Variants in LRRC7 observed in about 807,000 individuals in gnomAD.
The protein encoded by LRRC7 is leucine-rich repeat-containing protein 7.
A neutral mutation model predicts 175.7 loss-of-function variants in LRRC7; 23 were observed. The ratio of observed to expected loss-of-function variants is 0.13; its 90% CI spans 0.09 to 0.19. LRRC7 has a LOEUF of 0.19. LRRC7 is among the 10% of genes least tolerant of loss of function. The pLI, the probability that LRRC7 is intolerant of heterozygous loss-of-function variation, is 1.00. For synonymous variants in LRRC7, 685 were observed against 680.9 expected (o/e 1.01, Z -0.09); for missense variants, 1,354 against 1,904.7 (o/e 0.71, Z 5.38).
intron 13 of LRRC7, 70 bp downstream of exon 13, chr1:70,013,159 T>C (rs1302905461): frequency 5.8e-6 from 5 of 856,158 alleles, no homozygotes; most frequent in Non-Finnish European, 7.2e-6. Context: ...TTTTTGCCTA[T>C]AGTTTTGATA....
chr1:70,117,030 G>T (rs927361896), intron 26 of LRRC7, among the ~76,000 whole-genome samples: 1 of 152,170 alleles, frequency 6.6e-6, no homozygotes. Context: ...CAAAGTGCAA[G>T]ATATCAATGT....
At chr1:70,021,288 T>A (rs1021617638) in intron 16 of LRRC7, 159 bp downstream of exon 16, 4 of 626,998 alleles carry the variant, frequency 6.4e-6, no homozygotes, top group Non-Finnish European at 1.1e-5. Flanking sequence ...AGCATTGGTG[T>A]GCTTCAGAAT....
intron 4 of LRRC7, among the ~76,000 whole-genome samples, chr1:69,825,216 A>C (rs183644519): frequency 6.6e-6 from 1 of 152,298 alleles, no homozygotes; most frequent in East Asian, 1.9e-4. Context: ...TACAGCCAAC[A>C]AAAAAGAATT....
intron 25 of LRRC7, among the ~76,000 whole-genome samples, chr1:70,107,445 G>T (rs1665220886): frequency 2.0e-5 from 3 of 152,202 alleles, no homozygotes; most frequent in South Asian, 2.1e-4. Context: ...TACAAAAAAT[G>T]ATTCAGCATC....
chr1:69,964,008 C>T (rs528291566), intron 8 of LRRC7, among the ~76,000 whole-genome samples: 14 of 152,182 alleles, frequency 9.2e-5, no homozygotes, highest in Non-Finnish European at 1.5e-4. Flanking sequence ...ATTCTAAGGC[C>T]TCCTGCTTAG....
rs189554274 is a variant in LRRC7 at position 69,682,529 on chromosome 1, G to T, written c.100+4051G>T. On this transcript the variant is annotated intron_variant, in intron 2 of 26. Coordinates refer to ENST00000651989, the MANE Select transcript of LRRC7 (RefSeq NM_001370785.2). The stretch of plus-strand genomic sequence containing the variant: ...TGACCATGTTGTCCTTTTGAAAACT[G>T]CAATGCTGTTAATATTACTATCCCT... Among the ~76,000 whole-genome samples, 50 of 152,196 alleles carry T rather than the reference G, an allele frequency of 3.3e-4. 1 individual carries two copies. In the East Asian group the frequency reaches 9.6e-3, roughly 29 times the overall value.
At chr1:69,800,727 A>C (rs1676376781) in intron 4 of LRRC7, among the ~76,000 whole-genome samples, 2 of 151,594 alleles carry the variant, frequency 1.3e-5, no homozygotes, top group African/African-American at 4.8e-5. Context: ...AATGCTTTTT[A>C]TTTCTTTCTC....
intron 3 of LRRC7, among the ~76,000 whole-genome samples, chr1:69,784,959 C>T (rs1460577590): frequency 6.6e-6 from 1 of 152,014 alleles, no homozygotes; most frequent in African/African-American, 2.4e-5. Context: ...TTTGTTGAGA[C>T]TTCCTTTATG....
chr1:69,815,825 A>G (rs1678520046), intron 4 of LRRC7, among the ~76,000 whole-genome samples: 1 of 152,178 alleles, frequency 6.6e-6, no homozygotes, highest in South Asian at 2.1e-4. Flanking sequence ...CCTGTTCCTC[A>G]TAGACAGTAC....
intron 3 of LRRC7, among the ~76,000 whole-genome samples, chr1:69,784,435 C>T (rs1222958894): frequency 3.3e-5 from 5 of 152,042 alleles, no homozygotes; most frequent in East Asian, 1.9e-4. Flanking sequence ...CACAATAAGA[C>T]ATTTTAAAAG....
intron 3 of LRRC7, among the ~76,000 whole-genome samples, chr1:69,782,047 CT>C (rs1240980020): frequency 1.3e-5 from 2 of 152,028 alleles, no homozygotes; most frequent in Non-Finnish European, 2.9e-5. Context: ...GCAATATGAC[CT>C]TGTAAAAGTT....
Position 69,980,537 on chromosome 1 carries a change from C to T in LRRC7, c.786+84C>T, listed in dbSNP as rs377699321. 39 of 1,104,264 alleles carry T rather than the reference C, an allele frequency of 3.5e-5. 1 individual carries two copies. The African/African-American group carries it at 5.9e-4, about 17-fold the overall frequency. The allele number at this position is 1,104,264 out of a possible 1,614,324, so 68.4% of individuals were successfully genotyped here. A position where few individuals can be genotyped will look rare whatever the true frequency, so the allele number is the denominator to read the frequency against. Reference sequence around the variant, plus strand: ...GATCATAATCTCAACTCTTAAATTTCAGTATTTGTGTTTCAAAGTAAAATA... The same window carrying T: ...GATCATAATCTCAACTCTTAAATTTTAGTATTTGTGTTTCAAAGTAAAATA... On this transcript the variant is annotated intron_variant, in intron 9 of 26. Transcript: ENST00000651989.
chr1:69,619,398 C>G (rs1650201424), intron 1 of LRRC7, among the ~76,000 whole-genome samples: 1 of 151,978 alleles, frequency 6.6e-6, no homozygotes, highest in South Asian at 2.1e-4. Flanking sequence ...GTCAAAACAC[C>G]ACCGGTTTCT....
intron 7 of LRRC7, among the ~76,000 whole-genome samples, chr1:69,914,898 G>A (rs1178912534): frequency 6.6e-6 from 1 of 152,134 alleles, no homozygotes; most frequent in Non-Finnish European, 1.5e-5. Flanking sequence ...GCCCTTTACA[G>A]AGAATGTTTG....
intron 1 of LRRC7, among the ~76,000 whole-genome samples, chr1:69,627,192 A>G (rs911242449): frequency 1.3e-5 from 2 of 152,174 alleles, no homozygotes; most frequent in African/African-American, 2.4e-5. Flanking sequence ...TCCCAGCAAC[A>G]GTGTAAAAGT....
At chr1:69,676,223 T>C (rs568236884) in intron 1 of LRRC7, among the ~76,000 whole-genome samples, 1 of 152,084 alleles carries the variant, frequency 6.6e-6, no homozygotes, top group South Asian at 2.1e-4. Flanking sequence ...GGATGATCCT[T>C]TGTCAATTTC....
intron 8 of LRRC7, among the ~76,000 whole-genome samples, chr1:69,952,605 A>T (rs1327880): frequency 0.056 from 8,513 of 152,184 alleles, 234 homozygotes; most frequent in South Asian, 0.1. Flanking sequence ...TTATGTTAAT[A>T]AGACAAATAC....
chr1:70,101,186 T>C (rs1212435257), intron 25 of LRRC7, among the ~76,000 whole-genome samples: 1 of 152,206 alleles, frequency 6.6e-6, no homozygotes, highest in Non-Finnish European at 1.5e-5. Flanking sequence ...CTCTGTTTGC[T>C]GTTTTCATGA....
Position 70,143,789 on chromosome 1 carries a change from G to A in LRRC7, c.*21902G>A, listed in dbSNP as rs944737157. 6.6e-6 allele frequency: 1 copy of A among 152,100 alleles called. No homozygotes were observed. Among genetic ancestry groups the A allele is most frequent in the Non-Finnish European group, 1.5e-5 (1 of 68,006 alleles). 9.4% of individuals were successfully genotyped at this position (152,100 alleles called of 1,614,324 possible). ...CATGTTTAACTGAAATGGCTGTATT[G>A]TAATTAATATTTTGAGATAATTGTG... On this transcript the variant is annotated 3_prime_UTR_variant, in exon 27 of 27. Coordinates refer to ENST00000651989, the MANE Select transcript of LRRC7 (RefSeq NM_001370785.2).
Sources: gnomAD v4.1 joint callset for allele counts (sites outside exome capture counted in the v4.1 genomes callset) on GRCh38, gnomAD v4.1.1 for gene constraint, MANE v1.5 for transcripts, NCBI Gene and HGNC (gene_info 2026-07-23, HGNC 2026-07-21) for gene names.